The following IMMP2L variants were observed in gnomAD, a reference collection of about 807,000 sequenced individuals.
IMMP2L encodes the protein inner mitochondrial membrane peptidase subunit 2.
Under a neutral mutation model 19.3 loss-of-function variants are expected in IMMP2L, and 18 were observed. The observed-to-expected ratio is 0.93, with a 90% confidence interval of 0.64 to 1.38. The LOEUF (loss-of-function observed/expected upper bound fraction) is 1.38. Ranked by LOEUF, IMMP2L falls within the 40% of genes most tolerant of loss-of-function variation. The pLI is 0.00. For missense variants in IMMP2L, 233 were observed against 218.2 expected (o/e 1.07, Z -0.43); for synonymous variants, 76 against 73.0 (o/e 1.04, Z -0.21).
chr7:111,004,489 G>C (rs559226504), intron 3 of IMMP2L, among the ~76,000 whole-genome samples: 1 of 152,196 alleles, frequency 6.6e-6, no homozygotes, highest in East Asian at 1.9e-4. Flanking sequence ...AAAGCACTTA[G>C]GTCATTGACT....
intron 3 of IMMP2L, among the ~76,000 whole-genome samples, chr7:111,193,049 G>A (rs1344359310): frequency 6.6e-6 from 1 of 152,088 alleles, no homozygotes; most frequent in Non-Finnish European, 1.5e-5. Context: ...ATTACTAAGA[G>A]ATGCATAAAT....
chr7:110,841,972 G>A (rs1240839199), intron 5 of IMMP2L, among the ~76,000 whole-genome samples: 1 of 152,152 alleles, frequency 6.6e-6, no homozygotes, highest in Non-Finnish European at 1.5e-5. Flanking sequence ...GCTTTGAACT[G>A]TACAGCCTCA....
At chr7:110,725,140 T>C (rs1795809924) in intron 5 of IMMP2L, among the ~76,000 whole-genome samples, 2 of 152,146 alleles carry the variant, frequency 1.3e-5, no homozygotes, top group African/African-American at 4.8e-5. Flanking sequence ...ATGCCAGAGT[T>C]CACCTTATCA....
chr7:111,546,801 T>C (rs1848970316), intron 1 of IMMP2L, among the ~76,000 whole-genome samples: 1 of 152,152 alleles, frequency 6.6e-6, no homozygotes, highest in African/African-American at 2.4e-5. Context: ...CCAGTGAATT[T>C]TGTGATATAG....
At chr7:111,190,322 T>C (rs182244115) in intron 3 of IMMP2L, among the ~76,000 whole-genome samples, 1 of 152,076 alleles carries the variant, frequency 6.6e-6, no homozygotes, top group African/African-American at 2.4e-5. Context: ...CTGATTCTAC[T>C]AGTCCTTCAG....
At chr7:110,979,935 A>T (rs1377736348) in intron 3 of IMMP2L, among the ~76,000 whole-genome samples, 1 of 152,170 alleles carries the variant, frequency 6.6e-6, no homozygotes, top group African/African-American at 2.4e-5. Flanking sequence ...TGTGAATTAC[A>T]CTTCAGTAAA....
chr7:111,196,323 A>G (rs1023726165), intron 3 of IMMP2L, among the ~76,000 whole-genome samples: 3 of 152,232 alleles, frequency 2.0e-5, no homozygotes, highest in Admixed American at 6.5e-5. Context: ...CATGCCAGCT[A>G]AAGTTCAGAT....
At chr7:110,681,355 C>G (rs1340495186) in intron 5 of IMMP2L, among the ~76,000 whole-genome samples, 1 of 152,088 alleles carries the variant, frequency 6.6e-6, no homozygotes, top group East Asian at 1.9e-4. Context: ...GCTTTCTACA[C>G]CTGCTTTTAC....
intron 5 of IMMP2L, among the ~76,000 whole-genome samples, chr7:110,732,526 G>A (rs548739628): frequency 8.0e-4 from 101 of 126,430 alleles, no homozygotes; most frequent in Admixed American, 3.9e-3. Flanking sequence ...AATAGACACA[G>A]ATAGAAAGAA....
At chr7:111,313,251 T>C (rs1823707058) in intron 3 of IMMP2L, among the ~76,000 whole-genome samples, 1 of 152,100 alleles carries the variant, frequency 6.6e-6, no homozygotes, top group Admixed American at 6.6e-5. Context: ...AGGAAATAAA[T>C]AGCTGCTTCT....
In IMMP2L at chr7:110,807,917, A is replaced by G. The variant is rs141720424; in HGVS notation, c.408+78676T>C. ...CTAGTTGATGACAGAAATTGGCTTA[A>G]TATCTGTGTGTTATGATTACAATGG... On this transcript the variant is annotated intron_variant, in intron 5 of 5. Transcript: ENST00000405709. 1.4e-3 allele frequency among the ~76,000 whole-genome samples: 211 copies of G among 152,168 alleles called. 2 individuals are homozygous for G. Among genetic ancestry groups the G allele is most frequent in the African/African-American group, 4.7e-3 (196 of 41,564 alleles).
chr7:110,723,005 T>C (rs1795672347), intron 5 of IMMP2L, among the ~76,000 whole-genome samples: 1 of 152,204 alleles, frequency 6.6e-6, no homozygotes, highest in African/African-American at 2.4e-5. Flanking sequence ...TTCAGTTCTA[T>C]GTACCAATCA....
intron 3 of IMMP2L, among the ~76,000 whole-genome samples, chr7:111,188,065 A>G (rs1382973070): frequency 6.6e-6 from 1 of 152,110 alleles, no homozygotes; most frequent in Non-Finnish European, 1.5e-5. Context: ...TTCCTGGCAG[A>G]GCCCCTCTGG....
intron 5 of IMMP2L, among the ~76,000 whole-genome samples, chr7:110,688,590 T>A (rs1267030154): frequency 6.6e-6 from 1 of 151,938 alleles, no homozygotes; most frequent in Non-Finnish European, 1.5e-5. Flanking sequence ...GAAACATAAG[T>A]TAAAAAAAAA....
intron 5 of IMMP2L, among the ~76,000 whole-genome samples, chr7:110,843,815 C>G (rs763836543): frequency 1.1e-4 from 16 of 152,120 alleles, no homozygotes; most frequent in Non-Finnish European, 2.1e-4. Flanking sequence ...TCTTGGCTAA[C>G]CAGTGCCAAG....
At position 111,355,643 on chromosome 7, in the gene IMMP2L, C is replaced by G. The variant is rs37656; in HGVS notation, c.239+131595G>C. Among the ~76,000 whole-genome samples, 6 of 151,794 alleles carry G rather than the reference C, an allele frequency of 4.0e-5. No homozygotes were observed. In the East Asian group the frequency reaches 1.2e-3, roughly 29 times the overall value. ...ATAGAATAGAAAAACCTTCTGGTCA[C>G]TCATAAGATGTACAGAAATGTTGTT... On this transcript the variant is annotated intron_variant, in intron 3 of 5. Coordinates refer to ENST00000405709, the MANE Select transcript of IMMP2L (RefSeq NM_032549.4).
intron 3 of IMMP2L, chr7:111,394,926 G>A: frequency 4.2e-6 from 1 of 238,562 alleles, no homozygotes; most frequent in East Asian, 1.0e-4. Flanking sequence ...TCAGGTCCTT[G>A]ATTGGTGTCA....
chr7:111,044,994 CAGAG>C (rs1480068335), intron 3 of IMMP2L, among the ~76,000 whole-genome samples: 5 of 151,890 alleles, frequency 3.3e-5, no homozygotes, highest in Non-Finnish European at 5.9e-5. Flanking sequence ...AAAGATAAAG[CAGAG>C]AGAATATAAA....
chr7:110,683,296 T>C (rs1451425404), intron 5 of IMMP2L, among the ~76,000 whole-genome samples: 1 of 152,090 alleles, frequency 6.6e-6, no homozygotes, highest in Non-Finnish European at 1.5e-5. Context: ...GAAATAAACG[T>C]TGTTACTTTA....
Sources: gnomAD v4.1 joint callset for allele counts (sites outside exome capture counted in the v4.1 genomes callset) on GRCh38, gnomAD v4.1.1 for gene constraint, MANE v1.5 for transcripts, NCBI Gene and HGNC (gene_info 2026-07-23, HGNC 2026-07-21) for gene names.